The following MSRA variants were observed in gnomAD, a reference collection of about 807,000 sequenced individuals.
The protein encoded by MSRA is methionine sulfoxide reductase A.
A neutral mutation model predicts 31.3 loss-of-function variants in MSRA; 54 were observed. That is an observed-to-expected ratio of 1.73 (90% CI 1.39 to 2.17). The LOEUF (loss-of-function observed/expected upper bound fraction) is 2.17. MSRA is among the 30% of genes most tolerant of loss of function. The pLI is 0.00. For missense variants in MSRA, 507 were observed against 300.9 expected (o/e 1.69, Z -5.07); for synonymous variants, 169 against 116.5 (o/e 1.45, Z -2.90).
chr8:10,294,935 A>C (rs1325127525), intron 3 of MSRA, among the ~76,000 whole-genome samples: 1 of 152,090 alleles, frequency 6.6e-6, no homozygotes, highest in Non-Finnish European at 1.5e-5. Flanking sequence ...CTCTGGTATG[A>C]GAAAAACCTG....
intron 1 of MSRA, among the ~76,000 whole-genome samples, chr8:10,197,412 A>G (rs1213904398): frequency 6.6e-6 from 1 of 152,140 alleles, no homozygotes; most frequent in Non-Finnish European, 1.5e-5. Context: ...GAGATGCAGG[A>G]TGCTTGGAGA....
chr8:10,159,091 T>C (rs779499657), intron 1 of MSRA, among the ~76,000 whole-genome samples: 3 of 152,198 alleles, frequency 2.0e-5, no homozygotes, highest in Non-Finnish European at 4.4e-5. Context: ...AGATACCAGA[T>C]GATGGATGGC....
At chr8:10,232,061 G>T (rs1052205981) in intron 2 of MSRA, among the ~76,000 whole-genome samples, 1 of 152,198 alleles carries the variant, frequency 6.6e-6, no homozygotes, top group East Asian at 1.9e-4. Context: ...GGGTGGAATG[G>T]CTGTGCCACT....
intron 1 of MSRA, among the ~76,000 whole-genome samples, chr8:10,086,041 C>A (rs1798544130): frequency 1.3e-5 from 2 of 152,222 alleles, no homozygotes; most frequent in South Asian, 2.1e-4. Flanking sequence ...TTTTTGTGAG[C>A]CCATGTCTTC....
intron 1 of MSRA, among the ~76,000 whole-genome samples, chr8:10,149,455 G>A (rs1398619042): frequency 6.6e-6 from 1 of 152,196 alleles, no homozygotes; most frequent in Non-Finnish European, 1.5e-5. Context: ...CTGTCCTGCT[G>A]CCCTCCCTGC....
intron 1 of MSRA, among the ~76,000 whole-genome samples, chr8:10,128,973 C>A (rs1045463382): frequency 6.6e-6 from 1 of 152,174 alleles, no homozygotes; most frequent in Non-Finnish European, 1.5e-5. Flanking sequence ...CTTACTTAAC[C>A]CTTTACGCTA....
At chr8:10,423,115 G>C (rs928003025) in intron 5 of MSRA, among the ~76,000 whole-genome samples, 6 of 152,186 alleles carry the variant, frequency 3.9e-5, no homozygotes, top group Admixed American at 3.9e-4. Flanking sequence ...CGAATGGTCA[G>C]CCGTTTTTAT....
chr8:10,229,125 T>G (rs1811248056), intron 2 of MSRA, among the ~76,000 whole-genome samples: 1 of 152,224 alleles, frequency 6.6e-6, no homozygotes, highest in South Asian at 2.1e-4. Context: ...CATGACAGAT[T>G]AAGGCTTCAG....
At chr8:10,428,023 A>T (rs1161667785) in intron 5 of MSRA, 125 bp from the exon 6 acceptor site, 10 of 996,436 alleles carry the variant, frequency 1.0e-5, no homozygotes, top group Non-Finnish European at 1.4e-5. Flanking sequence ...CCCGGCCTAA[A>T]GGGGACCCAC....
chr8:10,132,754 G>A (rs1801988434), intron 1 of MSRA, among the ~76,000 whole-genome samples: 1 of 152,244 alleles, frequency 6.6e-6, no homozygotes, highest in African/African-American at 2.4e-5. Flanking sequence ...TGAGCCTTGT[G>A]TGCCAGGGAC....
intron 5 of MSRA, among the ~76,000 whole-genome samples, chr8:10,323,745 C>T (rs934456935): frequency 4.2e-5 from 6 of 142,620 alleles, no homozygotes; most frequent in Admixed American, 2.1e-4. Flanking sequence ...GAATTAAATA[C>T]GTGTGTGTGT....
chr8:10,108,144 C>A (rs1800018589), intron 1 of MSRA, among the ~76,000 whole-genome samples: 1 of 152,138 alleles, frequency 6.6e-6, no homozygotes, highest in Non-Finnish European at 1.5e-5. Context: ...ATTTTTTCTC[C>A]TTTACACCCC....
chr8:10,233,941 C>T (rs1811713179), intron 2 of MSRA, among the ~76,000 whole-genome samples: 1 of 152,082 alleles, frequency 6.6e-6, no homozygotes, highest in African/African-American at 2.4e-5. Context: ...AAAGAAAAGA[C>T]ATTGCCTACA....
chr8:10,294,855 G>A (rs1377909510), intron 3 of MSRA, among the ~76,000 whole-genome samples: 2 of 152,138 alleles, frequency 1.3e-5, no homozygotes, highest in African/African-American at 4.8e-5. Context: ...ACCGGGACCA[G>A]GGCCGGCTTG....
chr8:10,390,123 C>G (rs534584498), intron 5 of MSRA, among the ~76,000 whole-genome samples: 2 of 152,370 alleles, frequency 1.3e-5, no homozygotes, highest in South Asian at 4.1e-4. Flanking sequence ...CTGACATCCC[C>G]TCTCTGTATT....
At chr8:10,082,457 C>G (rs1243885614) in intron 1 of MSRA, among the ~76,000 whole-genome samples, 1 of 152,142 alleles carries the variant, frequency 6.6e-6, no homozygotes, top group Non-Finnish European at 1.5e-5. Context: ...CTTCCTTTCG[C>G]CCTCCTAAGA....
chr8:10,102,445 C>T (rs896242168), intron 1 of MSRA, among the ~76,000 whole-genome samples: 1 of 151,852 alleles, frequency 6.6e-6, no homozygotes, highest in Non-Finnish European at 1.5e-5. Flanking sequence ...GTTTTAATTT[C>T]GGTTATTTTA....
intron 5 of MSRA, among the ~76,000 whole-genome samples, chr8:10,378,580 C>T (rs369116051): frequency 3.9e-5 from 6 of 152,322 alleles, no homozygotes; most frequent in South Asian, 2.1e-4. Flanking sequence ...CTTCATCTCC[C>T]GGCCAGGAGA....
In MSRA at chr8:10,148,067, C is replaced by T. The variant is rs561861087; in HGVS notation, c.143-59766C>T. On this transcript the variant is annotated intron_variant, in intron 1 of 5. Transcript: ENST00000317173. ...CAGCCGTGGGGCTGACGTGAGACCC[C>T]AGCCTGGCAAAGCGAGCACTCGGAG... Among the ~76,000 whole-genome samples, 11 of 152,326 alleles carry T rather than the reference C, an allele frequency of 7.2e-5. No individual in the cohort carries two copies. The South Asian group carries it at 1.9e-3, about 26-fold the overall frequency.
Sources: allele counts gnomAD v4.1 joint callset (sites outside exome capture counted in the v4.1 genomes callset), GRCh38; gene constraint gnomAD v4.1.1; transcripts MANE v1.5; gene names NCBI Gene and HGNC (gene_info 2026-07-23, HGNC 2026-07-21).